TMEM168: variants seen among roughly 807,000 people sequenced by gnomAD.
TMEM168 encodes the protein transmembrane protein 168.
Under a neutral mutation model 53.2 loss-of-function variants are expected in TMEM168, and 40 were observed. The ratio of observed to expected loss-of-function variants is 0.75; its 90% CI spans 0.58 to 0.98. The LOEUF is 0.98. Among genes scored for constraint, TMEM168 ranks in the 50% least tolerant of loss-of-function variants. TMEM168 has a pLI of 0.00. For synonymous variants in TMEM168, 282 were observed against 293.0 expected (o/e 0.96, Z 0.38); for missense variants, 771 against 828.8 (o/e 0.93, Z 0.86).
chr7:112,783,869 G>A lies in TMEM168; in HGVS notation c.957C>T (p.Phe319=). The stretch of plus-strand genomic sequence containing the variant: ...TATGGCAGTCATTTAATTTGGTATG[G>A]AATCCCCAAAGAGTTAAAAGAAAAA... ...HIIFLLTLWG[F]HTKLNDCHKV... is the part of the protein sequence containing the mutation. The change falls in exon 2 of 5, where the codon TTC becomes TTT. Residue 319 remains phenylalanine, a synonymous_variant. Transcript: ENST00000312814. 6.2e-7 allele frequency: 1 copy of A among 1,603,426 alleles called. No homozygotes were observed.
In TMEM168 at chr7:112,783,890, A is replaced by C; in HGVS notation, c.936T>G (p.Phe312Leu). The C allele has an allele frequency of 6.3e-7, 1 of 1,597,692 alleles. No individual in the cohort carries two copies. Among genetic ancestry groups the C allele is most frequent in the Non-Finnish European group, 8.5e-7 (1 of 1,175,630 alleles). ...GIFWMICHIIFLLTLWGFHTK... is the reference protein window; with the variant it reads ...GIFWMICHIILLLTLWGFHTK... The stretch of plus-strand genomic sequence containing the variant: ...TATGGAATCCCCAAAGAGTTAAAAG[A>C]AAAATAATATGACAAATCATCCAGA... The change falls in exon 2 of 5, where the codon TTT becomes TTG. Residue 312 changes from phenylalanine to leucine, a missense_variant. Physicochemically the swap from Phe to Leu is conservative, Grantham distance 22 (BLOSUM62 0). Transcript: ENST00000312814.
At position 112,762,624 on chromosome 7, in the gene TMEM168, T is replaced by C. The variant is rs1792691736; in HGVS notation, c.*4573A>G. 2 of 152,032 alleles carry C rather than the reference T, an allele frequency of 1.3e-5. No homozygotes were observed. Among genetic ancestry groups the C allele is most frequent in the Non-Finnish European group, 2.9e-5 (2 of 67,926 alleles). 9.4% of individuals were successfully genotyped at this position (152,032 alleles called of 1,614,324 possible). A position where few individuals can be genotyped will look rare whatever the true frequency, so the allele number is the denominator to read the frequency against. ...TTCAAACTTATAAAATATTATGAGG[T>C]CATCATACAAGATGACTGGTCAACT... On this transcript the variant is annotated 3_prime_UTR_variant, in exon 5 of 5. Coordinates refer to ENST00000312814, the MANE Select transcript of TMEM168 (RefSeq NM_022484.6).
At chr7:112,781,003 A>G (rs1005910295) in intron 2 of TMEM168, among the ~76,000 whole-genome samples, 3 of 151,620 alleles carry the variant, frequency 2.0e-5, no homozygotes, top group African/African-American at 7.3e-5. Flanking sequence ...TTTGCAGGCC[A>G]TACAATCTCT....
intron 2 of TMEM168, among the ~76,000 whole-genome samples, chr7:112,777,949 G>A: frequency 7.5e-6 from 1 of 132,718 alleles, no homozygotes; most frequent in Non-Finnish European, 1.6e-5. Flanking sequence ...TGTGTACCTG[G>A]TTAAATTTAT....
At chr7:112,785,449 A>C (rs759177403) in intron 1 of TMEM168, among the ~76,000 whole-genome samples, 25 of 152,192 alleles carry the variant, frequency 1.6e-4, no homozygotes, top group Non-Finnish European at 1.5e-4. Context: ...CAGCTCTAGA[A>C]TGTTACACAA....
At chr7:112,788,211 C>A (rs1051634202) in intron 1 of TMEM168, among the ~76,000 whole-genome samples, 13 of 152,080 alleles carry the variant, frequency 8.5e-5, no homozygotes. Context: ...ATGTTCAACC[C>A]CAAACCTAGG....
intron 2 of TMEM168, among the ~76,000 whole-genome samples, chr7:112,780,943 CAAAAAAAAAA>C (rs1222902089): frequency 1.7e-5 from 1 of 60,018 alleles, no homozygotes; most frequent in Non-Finnish European, 3.4e-5. Flanking sequence ...TGATCCGTAT[CAAAAAAAAAA>C]AAAAAAAAAA....
At position 112,767,053 on chromosome 7, in the gene TMEM168, A is replaced by G; in HGVS notation, c.*144T>C. On this transcript the variant is annotated 3_prime_UTR_variant, in exon 5 of 5. Transcript: ENST00000312814. The stretch of plus-strand genomic sequence containing the variant: ...TTTCCCAACGCCTTATATATACCAT[A>G]ATTACTTAAGAAAAGACAAAGTGAG... 1.2e-6 allele frequency: 1 copy of G among 821,776 alleles called. No homozygotes were observed. Among genetic ancestry groups the G allele is most frequent in the Non-Finnish European group, 1.9e-6 (1 of 539,830 alleles). The allele number at this position is 821,776 out of a possible 1,614,324, so 50.9% of individuals were successfully genotyped here. A position where few individuals can be genotyped will look rare whatever the true frequency, so the allele number is the denominator to read the frequency against.
chr7:112,786,828 T>C (rs975341297), intron 1 of TMEM168, among the ~76,000 whole-genome samples: 1 of 152,078 alleles, frequency 6.6e-6, no homozygotes, highest in Non-Finnish European at 1.5e-5. Flanking sequence ...AACCCCTATT[T>C]CCTCTCTTCA....
chr7:112,784,504 A>G lies in TMEM168; in HGVS notation c.322T>C (p.Phe108Leu), dbSNP rs1316329812. The G allele has an allele frequency of 5.0e-6, 8 of 1,614,030 alleles. No homozygotes were observed. The highest frequency in any genetic ancestry group is 6.8e-6 in the Non-Finnish European group (8 of 1,180,026). ...TTTTTAAAGGATGAATTATCAAGAA[A>G]ACATAGGAGGCCAAGCAAGAATCCA... is the stretch of plus-strand genomic sequence containing the variant. ...WFGFLLGLLC[F>L]LDNSSFKNDV... Residue 108 changes from phenylalanine to leucine, a missense_variant, in exon 2 of 5, where the codon TTT (phenylalanine) becomes CTT (leucine). Transcript: ENST00000312814.
chr7:112,767,724 C>G lies in TMEM168; in HGVS notation c.1567G>C (p.Asp523His). ...TCTCTCCACCATTCTATAAGTGTGT[C>G]AAGGCGTAGTGTATCTCCACCTGTG... ...ALAGGDTLRL[D>H]TLIEWWREKN... The change falls in exon 5 of 5, where the codon GAC becomes CAC. Residue 523 changes from aspartate (D) to histidine (H), a missense_variant. Coordinates refer to ENST00000312814, the MANE Select transcript of TMEM168 (RefSeq NM_022484.6). 1.2e-6 allele frequency: 2 copies of G among 1,612,092 alleles called. No homozygotes were observed. Among genetic ancestry groups the G allele is most frequent in the Non-Finnish European group, 8.5e-7 (1 of 1,179,436 alleles).
chr7:112,790,000 C>G (rs1793502994), intron 1 of TMEM168, among the ~76,000 whole-genome samples, 160 bp downstream of exon 1: 1 of 152,208 alleles, frequency 6.6e-6, no homozygotes, highest in African/African-American at 2.4e-5. Context: ...CTCCCACACC[C>G]TCCAATCTCC....
In TMEM168 at chr7:112,767,228, G is replaced by A. The variant is rs1792803346; in HGVS notation, c.2063C>T (p.Thr688Ile). Residue 688 changes from threonine to isoleucine, a missense_variant, in exon 5 of 5, where the codon ACA becomes ATA. Thr to Ile is a moderately conservative substitution (Grantham distance 89). Coordinates refer to ENST00000312814, the MANE Select transcript of TMEM168 (RefSeq NM_022484.6). The stretch of plus-strand genomic sequence containing the variant: ...TTTGACAAGTTTGAAGCCTTGTCCT[G>A]TGTCCAGCACAGTAGGAAGAAACCA... ...MSWFLPTVLD[T>I]GQGFKLVKS The A allele has an allele frequency of 1.2e-6, 2 of 1,613,870 alleles. No homozygotes were observed. Among genetic ancestry groups the A allele is most frequent in the Non-Finnish European group, 8.5e-7 (1 of 1,179,898 alleles).
At chr7:112,782,243 C>G (rs1456649212) in intron 2 of TMEM168, among the ~76,000 whole-genome samples, 3 of 152,112 alleles carry the variant, frequency 2.0e-5, no homozygotes, top group African/African-American at 7.2e-5. Context: ...AATCAGGAAA[C>G]TGATTCTCTT....
Position 112,766,470 on chromosome 7 carries a change from T to TTAAG in TMEM168, c.*723_*726dup, listed in dbSNP as rs1792781399. ...GGAAACACTGTTCATTAAGAAAACATTAAGTTACCCTGAGAAAGACTCTTA... is the reference window on the plus strand; with the variant it reads ...GGAAACACTGTTCATTAAGAAAACATTAAGTAAGTTACCCTGAGAAAGACTCTTA... On this transcript the variant is annotated 3_prime_UTR_variant, in exon 5 of 5. Coordinates refer to ENST00000312814, the MANE Select transcript of TMEM168 (RefSeq NM_022484.6). The TTAAG allele has an allele frequency of 6.6e-6, 1 of 152,582 alleles. No homozygotes were observed. Among genetic ancestry groups the TTAAG allele is most frequent in the South Asian group, 2.1e-4 (1 of 4,832 alleles). The allele number at this position is 152,582 out of a possible 1,614,324, so 9.5% of individuals were successfully genotyped here. A position where few individuals can be genotyped will look rare whatever the true frequency, so the allele number is the denominator to read the frequency against.
intron 4 of TMEM168, among the ~76,000 whole-genome samples, chr7:112,771,662 A>C (rs1792932980): frequency 6.6e-6 from 1 of 152,142 alleles, no homozygotes; most frequent in Non-Finnish European, 1.5e-5. Flanking sequence ...AATCAATGAG[A>C]TCATGCTAGT....
chr7:112,785,434 C>T (rs773978471), intron 1 of TMEM168, among the ~76,000 whole-genome samples: 2 of 152,190 alleles, frequency 1.3e-5, no homozygotes, highest in Non-Finnish European at 2.9e-5. Flanking sequence ...CATCTTTTTA[C>T]AAGCCAGCTC....
intron 1 of TMEM168, among the ~76,000 whole-genome samples, chr7:112,788,889 CCTCT>C (rs528688392): frequency 1.2e-3 from 184 of 152,216 alleles, no homozygotes; most frequent in Non-Finnish European, 2.2e-3. Context: ...CCACTCTTGC[CCTCT>C]CTAAGAAGTG....
At chr7:112,787,796 G>A (rs1039578852) in intron 1 of TMEM168, among the ~76,000 whole-genome samples, 1 of 123,858 alleles carries the variant, frequency 8.1e-6, no homozygotes, top group Non-Finnish European at 1.6e-5. Context: ...ACAATGGAGC[G>A]ATCTCGGCTC....
Sources: gnomAD v4.1 joint callset for allele counts (sites outside exome capture counted in the v4.1 genomes callset) on GRCh38, gnomAD v4.1.1 for gene constraint, MANE v1.5 for transcripts, NCBI Gene and HGNC (gene_info 2026-07-23, HGNC 2026-07-21) for gene names.